Variants in USP22 observed in about 807,000 individuals in gnomAD.
USP22 encodes the protein ubiquitin specific peptidase 22, also known as ubiquitin carboxyl-terminal hydrolase 22.
In USP22, 22 loss-of-function variants were observed where a neutral mutation model predicts 68.1. The ratio of observed to expected loss-of-function variants is 0.32; its 90% confidence interval spans 0.23 to 0.46. The LOEUF is 0.46. Among genes scored for constraint, USP22 ranks in the 20% least tolerant of loss-of-function variants. USP22 has a pLI of 1.00. For synonymous variants in USP22, 279 were observed against 274.2 expected, an observed-to-expected ratio of 1.02 and a Z score of -0.17; for missense variants, 433 against 695.8, an observed-to-expected ratio of 0.62 and a Z score of 4.25.
intron 3 of USP22, 103 bp downstream of exon 3, chr17:21,021,010 T>C (rs1972150383): frequency 2.2e-6 from 2 of 898,166 alleles, no homozygotes; most frequent in African/African-American, 3.3e-5. Flanking sequence ...CCCACCAGCC[T>C]GCCACTTCCC....
chr17:21,028,321 G>A (rs1390649278), intron 2 of USP22, among the ~76,000 whole-genome samples: 2 of 152,168 alleles, frequency 1.3e-5, no homozygotes, highest in Non-Finnish European at 2.9e-5. Flanking sequence ...AAGACAGCAG[G>A]CCATTCACTC....
At chr17:21,035,964 G>A (rs1159431370) in intron 1 of USP22, among the ~76,000 whole-genome samples, 1 of 148,220 alleles carries the variant, frequency 6.7e-6, no homozygotes. Context: ...CCAGGAGGCG[G>A]AGCTTGCAGT....
intron 1 of USP22, among the ~76,000 whole-genome samples, chr17:21,030,223 A>G (rs1972271159): frequency 6.6e-6 from 1 of 152,202 alleles, no homozygotes; most frequent in Non-Finnish European, 1.5e-5. Flanking sequence ...ATGCTATGCA[A>G]ACAGTGGTTA....
At chr17:21,030,113 C>G (rs189489410) in intron 1 of USP22, among the ~76,000 whole-genome samples, 174 of 152,308 alleles carry the variant, frequency 1.1e-3, no homozygotes, top group Middle Eastern at 0.01. Context: ...CATGGATACT[C>G]AAGTCCCTGA....
rs1248138386 is a variant in USP22 at position 21,003,299 on chromosome 17, G to A, written c.1536-226C>T. 3.3e-5 allele frequency among the ~76,000 whole-genome samples: 5 copies of A among 152,186 alleles called. No individual in the cohort carries two copies. The East Asian group carries it at 7.7e-4, about 24-fold the overall frequency. On this transcript the variant is annotated intron_variant, in intron 12 of 12. Coordinates refer to ENST00000261497, the MANE Select transcript of USP22 (RefSeq NM_015276.2). ...CCCGACCACCACCCCCACCTGCCACGAGGTCACCCATTGCCTCACCCAACC... is the reference window on the plus strand; with the variant it reads ...CCCGACCACCACCCCCACCTGCCACAAGGTCACCCATTGCCTCACCCAACC...
intron 10 of USP22, chr17:21,006,440 G>C (rs1913780386): frequency 6.6e-6 from 1 of 151,836 alleles, no homozygotes; most frequent in African/African-American, 2.4e-5. Flanking sequence ...TCATTAACAT[G>C]TGCTGTATCT....
intron 6 of USP22, among the ~76,000 whole-genome samples, chr17:21,014,948 C>G (rs574699823): frequency 2.1e-4 from 32 of 152,286 alleles, no homozygotes; most frequent in African/African-American, 7.5e-4. Flanking sequence ...CCCCACAGAT[C>G]TGCTGAATCA....
At chr17:21,024,064 C>T (rs1972191058) in intron 2 of USP22, among the ~76,000 whole-genome samples, 1 of 152,180 alleles carries the variant, frequency 6.6e-6, no homozygotes, top group African/African-American at 2.4e-5. Flanking sequence ...CCAGGGCTAC[C>T]TTCTGCCCTA....
rs1263316874 is a variant in USP22, at chr17:21,007,621, C to T, written c.1230+249G>A. ...GGTAGAAGTAATAAAAACTTCACAA[C>T]CACTCTGCTCCCAAGAAAACTCACA... On this transcript the variant is annotated intron_variant, in intron 9 of 12. Coordinates refer to ENST00000261497, the MANE Select transcript of USP22 (RefSeq NM_015276.2). 5.9e-5 allele frequency among the ~76,000 whole-genome samples: 9 copies of T among 152,178 alleles called. No homozygotes were observed. In the East Asian group the frequency reaches 1.7e-3, roughly 29 times the overall value.
rs760326492 is a variant in USP22 at position 21,019,172 on chromosome 17, C to T, written c.432G>A (p.Lys144=). The change falls in exon 4 of 13, where the codon AAG becomes AAA. Residue 144 remains lysine (K), a synonymous_variant. Transcript: ENST00000261497. ...GTTTGGTTGGTTCCCAAGTTGAAAA[C>T]TTCTCTCCAACGCCTAAGCAGATGA... ...KAWKMQGVGE[K]FSTWEPTKRE... The T allele has an allele frequency of 4.3e-6, 7 of 1,613,998 alleles. No individual in the cohort carries two copies. The highest frequency in any genetic ancestry group is 3.3e-5 in the Admixed American group (2 of 60,004).
chr17:21,006,935 A>T lies in USP22; in HGVS notation c.1283T>A (p.Phe428Tyr). 6.2e-7 allele frequency: 1 copy of T among 1,608,786 alleles called. No homozygotes were observed. The highest frequency in any genetic ancestry group is 8.5e-7 in the Non-Finnish European group (1 of 1,177,318). Residue 428 changes from phenylalanine to tyrosine, a missense_variant, in exon 10 of 13, where the codon TTC (phenylalanine) becomes TAC (tyrosine). Physicochemically the swap from Phe to Tyr is conservative, Grantham distance 22. Transcript: ENST00000261497. ...AGGGGTCATGTCCAGCTCCAGGGGG[A>T]AGGACACATACGTGGTGATCTTCCG... ...LRRKITTYVS[F>Y]PLELDMTPFM... is the part of the protein sequence containing the mutation.
At position 21,028,552 on chromosome 17, in the gene USP22, C is replaced by T. The variant is rs138794971; in HGVS notation, c.294G>A (p.Arg98=). Residue 98 remains arginine, a synonymous_variant, in exon 2 of 13, where the codon CGG becomes CGA. Transcript: ENST00000261497. Reference sequence around the variant, plus strand: ...AGAAGCTCGCCTCACCCAGGTTGTGCCGCTTCGCCTTCGCATGCTCGTGAA... The same window carrying T: ...AGAAGCTCGCCTCACCCAGGTTGTGTCGCTTCGCCTTCGCATGCTCGTGAA... ...KHIHEHAKAK[R]HNLAIDLMYG... 2.2e-4 allele frequency: 355 copies of T among 1,613,918 alleles called. 4 individuals are homozygous for T. In the East Asian group the frequency reaches 7.9e-3, roughly 36 times the overall value.
At chr17:21,037,906 A>G (rs1283669394) in intron 1 of USP22, among the ~76,000 whole-genome samples, 1 of 152,198 alleles carries the variant, frequency 6.6e-6, no homozygotes, top group African/African-American at 2.4e-5. Flanking sequence ...AGGACTGGGG[A>G]AAGATACACA....
intron 1 of USP22, among the ~76,000 whole-genome samples, chr17:21,036,351 G>A (rs972872792): frequency 6.6e-6 from 1 of 152,122 alleles, no homozygotes; most frequent in African/African-American, 2.4e-5. Flanking sequence ...AAAAATAACT[G>A]ATGAGGCCCT....
chr17:21,011,960 A>ACAAGGCCC (rs1358638821), intron 7 of USP22, among the ~76,000 whole-genome samples: 1 of 152,190 alleles, frequency 6.6e-6, no homozygotes, highest in Non-Finnish European at 1.5e-5. Context: ...ATACTCAGAG[A>ACAAGGCCC]CAAGGCCCCA....
chr17:21,023,352 T>C (rs2143595128), intron 2 of USP22, among the ~76,000 whole-genome samples: 1 of 152,238 alleles, frequency 6.6e-6, no homozygotes, highest in South Asian at 2.1e-4. Context: ...TAAAATATTT[T>C]TTAAAAAACT....
chr17:21,014,073 A>AAAAAC (rs572706327), intron 6 of USP22, among the ~76,000 whole-genome samples: 22 of 152,356 alleles, frequency 1.4e-4, no homozygotes, highest in South Asian at 2.1e-4. Flanking sequence ...ACTCTGACTC[A>AAAAAC]AAAACAAAAC....
intron 4 of USP22, among the ~76,000 whole-genome samples, chr17:21,018,539 A>G (rs1972116040): frequency 6.6e-6 from 1 of 152,052 alleles, no homozygotes; most frequent in South Asian, 2.1e-4. Flanking sequence ...ACATGGTGAG[A>G]TGTCTCTACG....
chr17:21,028,817 G>A (rs1972254660), intron 1 of USP22, 143 bp from the exon 2 acceptor site: 2 of 1,097,352 alleles, frequency 1.8e-6, no homozygotes, highest in African/African-American at 1.6e-5. Flanking sequence ...CTACTCTAGA[G>A]GATCAGTTTA....
Sources: gnomAD v4.1 joint callset for allele counts (sites outside exome capture counted in the v4.1 genomes callset) on GRCh38, gnomAD v4.1.1 for gene constraint, MANE v1.5 for transcripts, NCBI Gene and HGNC (gene_info 2026-07-23, HGNC 2026-07-21) for gene names.